LAMTOR2: variants seen among roughly 807,000 people sequenced by gnomAD.
LAMTOR2 encodes ragulator complex protein LAMTOR2.
In LAMTOR2, 4 loss-of-function variants were observed where a neutral mutation model predicts 15.8. The ratio of observed to expected loss-of-function variants is 0.25; its 90% CI spans 0.12 to 0.58. The LOEUF is 0.58. LAMTOR2 is among the 20% of genes least tolerant of loss of function. The pLI is 0.91. For missense variants in LAMTOR2, 100 were observed against 161.0 expected, an observed-to-expected ratio of 0.62 and a Z score of 2.05; for synonymous variants, 62 against 64.1, an observed-to-expected ratio of 0.97 and a Z score of 0.15.
In LAMTOR2 at chr1:156,057,998, C is replaced by T. The variant is rs1227955165; in HGVS notation, c.252C>T (p.Thr84=). 6.2e-7 allele frequency: 1 copy of T among 1,614,164 alleles called. No homozygotes were observed. Reference sequence around the variant, plus strand: ...ACCAGGAGGGCCGTGTAGCCATCACCCGAGTGGCCAACCTTCTGCTGTGTA... The same window carrying T: ...ACCAGGAGGGCCGTGTAGCCATCACTCGAGTGGCCAACCTTCTGCTGTGTA... ...MDCMEGRVAI[T]RVANLLLCMY... Residue 84 remains threonine (T), a synonymous_variant, in exon 3 of 4, where the codon ACC becomes ACT. Transcript: ENST00000368305.
rs867287619 is a variant in LAMTOR2 at position 156,058,361 on chromosome 1, C to T, written c.368C>T (p.Ala123Val). ...CTGGAGGAGCCCCTCACCCAAGTGG[C>T]GGCATCTTAACGGCATTGGTGGAAG... ...QYLEEPLTQV[A>V]AS is the part of the protein sequence containing the mutation. Residue 123 changes from alanine (A) to valine (V), a missense_variant, in exon 4 of 4, where the codon GCG (alanine) becomes GTG (valine). Transcript: ENST00000368305. The T allele has an allele frequency of 2.5e-6, 4 of 1,613,972 alleles. No homozygotes were observed. The highest frequency in any genetic ancestry group is 1.7e-5 in the Admixed American group (1 of 60,010).
chr1:156,058,238 G>A (rs1411710152), intron 3 of LAMTOR2, 77 bp from the exon 4 acceptor site: 2 of 1,591,336 alleles, frequency 1.3e-6, no homozygotes, highest in Non-Finnish European at 1.7e-6. Context: ...GCTTCCTATG[G>A]CACTGGGAGC....
In LAMTOR2 at chr1:156,054,817, A is replaced by C; in HGVS notation, c.-73A>C. ...GGAGCAGGCCAACGGGACTACGGGA[A>C]GCAGCGGGCAGCGGCCCGCGGGAGG... On this transcript the variant is annotated 5_prime_UTR_variant, in exon 1 of 4. Transcript: ENST00000368305. 6.8e-7 allele frequency: 1 copy of C among 1,471,446 alleles called. No individual in the cohort carries two copies. The highest frequency in any genetic ancestry group is 9.4e-7 in the Non-Finnish European group (1 of 1,059,758). The allele number at this position is 1,471,446 out of a possible 1,614,324, so 91.1% of individuals were successfully genotyped here. A position where few individuals can be genotyped will look rare whatever the true frequency, so the allele number is the denominator to read the frequency against.
At position 156,055,182 on chromosome 1, in the gene LAMTOR2, C is replaced by T; in HGVS notation, c.69-81C>T. 2 of 1,579,024 alleles carry T rather than the reference C, an allele frequency of 1.3e-6. No individual in the cohort carries two copies. Among genetic ancestry groups the T allele is most frequent in the Non-Finnish European group, 1.7e-6 (2 of 1,154,810 alleles). ...AGGCCAGAGCCTTGCTGGATGTGCC[C>T]TTGGTGGGACTTGGGATGGAAACCC... On this transcript the variant is annotated intron_variant, in intron 1 of 3. Coordinates refer to ENST00000368305, the MANE Select transcript of LAMTOR2 (RefSeq NM_014017.4). This position sits in a 1 kb window ranked among gnomAD's most constrained non-coding sequence, Gnocchi z 4.8.
rs992580275 is a variant in LAMTOR2, at chr1:156,058,161, C to A, written c.321+94C>A. 2.3e-5 allele frequency: 34 copies of A among 1,496,174 alleles called. 1 individual carries two copies. The highest frequency in any genetic ancestry group is 4.7e-6 in the Non-Finnish European group (5 of 1,073,306). The allele number at this position is 1,496,174 out of a possible 1,614,324, so 92.7% of individuals were successfully genotyped here. A position where few individuals can be genotyped will look rare whatever the true frequency, so the allele number is the denominator to read the frequency against. ...ACCAGGACCCTGTTTCTAGAGTTCTCATGTCTACTCAGTCCATTTCTGGTG... is the reference window on the plus strand; with the variant it reads ...ACCAGGACCCTGTTTCTAGAGTTCTAATGTCTACTCAGTCCATTTCTGGTG... On this transcript the variant is annotated intron_variant, in intron 3 of 3. Coordinates refer to ENST00000368305, the MANE Select transcript of LAMTOR2 (RefSeq NM_014017.4).
At position 156,055,645 on chromosome 1, in the gene LAMTOR2, A is replaced by C; in HGVS notation, c.231+220A>C. On this transcript the variant is annotated intron_variant, in intron 2 of 3. Transcript: ENST00000368305. The surrounding 1 kb of genome is among the most constrained non-coding windows in gnomAD (Gnocchi z 4.8). The stretch of plus-strand genomic sequence containing the variant: ...GAGGTCTGACTTGGGTTCTGGTCTC[A>C]GCCATCCACTTATCAGTTGTGGAAC... 1 of 589,788 alleles carries C rather than the reference A, an allele frequency of 1.7e-6. No homozygotes were observed. The highest frequency in any genetic ancestry group is 2.9e-5 in the East Asian group (1 of 34,422). The allele number at this position is 589,788 out of a possible 1,614,324, so 36.5% of individuals were successfully genotyped here. A position where few individuals can be genotyped will look rare whatever the true frequency, so the allele number is the denominator to read the frequency against.
At chr1:156,057,097 G>C (rs1442731344) in intron 2 of LAMTOR2, among the ~76,000 whole-genome samples, 3 of 147,182 alleles carry the variant, frequency 2.0e-5, no homozygotes, top group African/African-American at 7.6e-5. Context: ...AGAATCACTT[G>C]AACCCAGGAG....
chr1:156,054,860 T>G lies in LAMTOR2; in HGVS notation c.-30T>G. 1 of 1,610,402 alleles carries G rather than the reference T, an allele frequency of 6.2e-7. No homozygotes were observed. Among genetic ancestry groups the G allele is most frequent in the Non-Finnish European group, 8.5e-7 (1 of 1,178,450 alleles). On this transcript the variant is annotated 5_prime_UTR_variant, in exon 1 of 4. Coordinates refer to ENST00000368305, the MANE Select transcript of LAMTOR2 (RefSeq NM_014017.4). ...GCGGGAGGCACCTCGGAGATCTGGG[T>G]GCAAAAGCCCAGGGTTAGGAACCGT...
At position 156,055,841 on chromosome 1, in the gene LAMTOR2, C is replaced by T. The variant is rs767705352; in HGVS notation, c.231+416C>T. On this transcript the variant is annotated intron_variant, in intron 2 of 3. Coordinates refer to ENST00000368305, the MANE Select transcript of LAMTOR2 (RefSeq NM_014017.4). The surrounding 1 kb of genome is among the most constrained non-coding windows in gnomAD (Gnocchi z 4.8). ...CAAAGTGTTGTCATCCCAGTTTCAC[C>T]GACTCACAGAACCATGGCAGTCTCC... is the stretch of plus-strand genomic sequence containing the variant. 2 of 242,540 alleles carry T rather than the reference C, an allele frequency of 8.2e-6. No homozygotes were observed. Among genetic ancestry groups the T allele is most frequent in the Admixed American group, 4.9e-5 (1 of 20,566 alleles). 15.0% of individuals were successfully genotyped at this position (242,540 alleles called of 1,614,324 possible).
Position 156,055,053 on chromosome 1 carries a change from G to T in LAMTOR2, c.68+96G>T. 6.9e-7 allele frequency: 1 copy of T among 1,451,444 alleles called. No individual in the cohort carries two copies. The highest frequency in any genetic ancestry group is 1.2e-5 in the South Asian group (1 of 86,360). The allele number at this position is 1,451,444 out of a possible 1,614,324, so 89.9% of individuals were successfully genotyped here. ...TGGGGAAGGATCACCAGGAAGGGAG[G>T]AAGCGGCAGAGGGGGCAGCGGCTGG... On this transcript the variant is annotated intron_variant, in intron 1 of 3. Coordinates refer to ENST00000368305, the MANE Select transcript of LAMTOR2 (RefSeq NM_014017.4). The surrounding 1 kb of genome is among the most constrained non-coding windows in gnomAD (Gnocchi z 4.8).
intron 2 of LAMTOR2, among the ~76,000 whole-genome samples, chr1:156,057,329 C>CA (rs1167067059): frequency 2.0e-5 from 3 of 151,602 alleles, no homozygotes; most frequent in South Asian, 2.1e-4. Context: ...CCCATCTCTA[C>CA]AAAAAAAATT....
In LAMTOR2 at chr1:156,055,323, G is replaced by A. The variant is rs1465384118; in HGVS notation, c.129G>A (p.Arg43=). The change falls in exon 2 of 4, where the codon CGG becomes CGA. Residue 43 remains arginine, a synonymous_variant. Transcript: ENST00000368305. The surrounding 1 kb of genome is among the most constrained non-coding windows in gnomAD (Gnocchi z 4.8). The part of the protein sequence containing the change: ...AYSGYGDTDA[R]VTAAIASNIW... ...CTGGTTACGGGGACACTGACGCCCG[G>A]GTCACCGCTGCCATAGCCAGTAACA... The A allele has an allele frequency of 1.9e-6, 3 of 1,614,184 alleles. No homozygotes were observed. Among genetic ancestry groups the A allele is most frequent in the Admixed American group, 3.3e-5 (2 of 60,028 alleles).
Position 156,055,254 on chromosome 1 carries a change from C to T in LAMTOR2, c.69-9C>T, listed in dbSNP as rs767635940. The T allele has an allele frequency of 6.2e-7, 1 of 1,613,742 alleles. No homozygotes were observed. Among genetic ancestry groups the T allele is most frequent in the South Asian group, 1.1e-5 (1 of 91,082 alleles). ...GAGCACATCGCTATCCCTCCCCGCC[C>T]CTCACCAGGCTGCTGAATAACGAGG... On this transcript the variant is annotated splice_polypyrimidine_tract_variant and intron_variant, in intron 1 of 3. Coordinates refer to ENST00000368305, the MANE Select transcript of LAMTOR2 (RefSeq NM_014017.4). This position sits in a 1 kb window ranked among gnomAD's most constrained non-coding sequence, Gnocchi z 4.8.
In LAMTOR2 at chr1:156,058,000, G is replaced by C. The variant is rs1439909987; in HGVS notation, c.254G>C (p.Arg85Pro). Residue 85 changes from arginine to proline, a missense_variant, in exon 3 of 4, where the codon CGA (arginine) becomes CCA (proline). Coordinates refer to ENST00000368305, the MANE Select transcript of LAMTOR2 (RefSeq NM_014017.4). ...CAGGAGGGCCGTGTAGCCATCACCC[G>C]AGTGGCCAACCTTCTGCTGTGTATG... ...DCMEGRVAIT[R>P]VANLLLCMYA... The C allele has an allele frequency of 6.2e-7, 1 of 1,614,140 alleles. No individual in the cohort carries two copies. Among genetic ancestry groups the C allele is most frequent in the Middle Eastern group, 1.6e-4 (1 of 6,062 alleles).
chr1:156,054,796 C>A lies in LAMTOR2; in HGVS notation c.-94C>A, dbSNP rs768289313. On this transcript the variant is annotated 5_prime_UTR_variant, in exon 1 of 4. Coordinates refer to ENST00000368305, the MANE Select transcript of LAMTOR2 (RefSeq NM_014017.4). ...CTACAACTCCCAGGGCGTCCCGGAG[C>A]AGGCCAACGGGACTACGGGAAGCAG... The A allele has an allele frequency of 1.9e-4, 241 of 1,265,808 alleles. No homozygotes were observed. Among genetic ancestry groups the A allele is most frequent in the Non-Finnish European group, 2.5e-4 (224 of 879,442 alleles). 78.4% of individuals were successfully genotyped at this position (1,265,808 alleles called of 1,614,324 possible). A position where few individuals can be genotyped will look rare whatever the true frequency, so the allele number is the denominator to read the frequency against.
intron 2 of LAMTOR2, 115 bp from the exon 3 acceptor site, chr1:156,057,863 T>C: frequency 1.0e-6 from 1 of 982,020 alleles, no homozygotes; most frequent in East Asian, 2.5e-5. Context: ...CTTCCTGCTG[T>C]GCCCAGGGCA....
Position 156,058,388 on chromosome 1 carries a change from TG to T in LAMTOR2, c.*21del, listed in dbSNP as rs1362342791. Reference sequence around the variant, plus strand: ...GCATCTTAACGGCATTGGTGGAAGCTGGGGTCAGAAAAGAGAAATGACCATT... The same window carrying T: ...GCATCTTAACGGCATTGGTGGAAGCTGGGTCAGAAAAGAGAAATGACCATT... On this transcript the variant is annotated 3_prime_UTR_variant, in exon 4 of 4. Coordinates refer to ENST00000368305, the MANE Select transcript of LAMTOR2 (RefSeq NM_014017.4). 1.2e-6 allele frequency: 2 copies of T among 1,613,930 alleles called. No individual in the cohort carries two copies. Among genetic ancestry groups the T allele is most frequent in the Non-Finnish European group, 1.7e-6 (2 of 1,179,910 alleles).
Position 156,058,060 on chromosome 1 carries a change from A to G in LAMTOR2, c.314A>G (p.Lys105Arg), listed in dbSNP as rs1321378765. 6.2e-7 allele frequency: 1 copy of G among 1,614,132 alleles called. No homozygotes were observed. The highest frequency in any genetic ancestry group is 1.7e-5 in the Admixed American group (1 of 60,012). The change falls in exon 3 of 4, where the codon AAG (lysine) becomes AGG (arginine). Residue 105 changes from lysine to arginine, a missense_variant. Lys to Arg is a conservative substitution (Grantham distance 26). Transcript: ENST00000368305. ...GAGACCGTGGGCTTTGGAATGCTCA[A>G]GGCCAAGGTGTGTATGTGCCCATCC... The part of the protein sequence containing the change: ...AKETVGFGML[K>R]AKAQALVQYL...
intron 2 of LAMTOR2, among the ~76,000 whole-genome samples, chr1:156,057,170 T>G (rs1214289574): frequency 9.5e-6 from 1 of 105,678 alleles, no homozygotes; most frequent in African/African-American, 3.9e-5. Context: ...AGAGCAAGAC[T>G]CCATCTCAAA....
Sources: gnomAD v4.1 joint callset for allele counts (sites outside exome capture counted in the v4.1 genomes callset) on GRCh38, gnomAD v4.1.1 for gene constraint, Gnocchi (gnomAD v3.1) non-coding constraint, MANE v1.5 for transcripts, NCBI Gene and HGNC (gene_info 2026-07-23, HGNC 2026-07-21) for gene names.